The following ITPRID2 variants were observed in gnomAD, a reference collection of about 807,000 sequenced individuals.
The protein encoded by ITPRID2 is ITPR interacting domain containing 2.
Under a neutral mutation model 124.3 loss-of-function variants are expected in ITPRID2, and 60 were observed. That is an observed-to-expected ratio of 0.48 (90% CI 0.39 to 0.60). ITPRID2 has a LOEUF of 0.60. Ranked by LOEUF, ITPRID2 falls within the 20% of genes least tolerant of loss-of-function variation. The pLI is 0.00. For synonymous variants in ITPRID2, 521 were observed against 542.9 expected (o/e 0.96, Z 0.56); for missense variants, 1,553 against 1,512.2 (o/e 1.03, Z -0.45).
intron 10 of ITPRID2, among the ~76,000 whole-genome samples, chr2:181,914,693 C>T (rs768578540): frequency 3.3e-5 from 5 of 152,104 alleles, no homozygotes; most frequent in Non-Finnish European, 5.9e-5. Context: ...TTTATAATAA[C>T]ATGAAATGAC....
chr2:181,899,121 T>C lies in ITPRID2; in HGVS notation c.503+9T>C, dbSNP rs1692455123. ...AGTGGGACAGTTTCAAGGTAACTTA[T>C]TCTGAAATTGTGTTGGAATTACATT... On this transcript the variant is annotated intron_variant, in intron 6 of 17. Coordinates refer to ENST00000431877, the MANE Select transcript of ITPRID2 (RefSeq NM_001130445.3). 6.4e-7 allele frequency: 1 copy of C among 1,574,618 alleles called. No individual in the cohort carries two copies. Among genetic ancestry groups the C allele is most frequent in the Non-Finnish European group, 8.6e-7 (1 of 1,157,596 alleles).
At chr2:181,912,545 A>G (rs1241681148) in intron 9 of ITPRID2, among the ~76,000 whole-genome samples, 1 of 152,182 alleles carries the variant, frequency 6.6e-6, no homozygotes, top group Non-Finnish European at 1.5e-5. Context: ...ATAGTGGGGT[A>G]TTTTTCAAAC....
At chr2:181,904,739 CATT>C (rs1203522477) in intron 8 of ITPRID2, among the ~76,000 whole-genome samples, 5 of 152,322 alleles carry the variant, frequency 3.3e-5, no homozygotes, top group South Asian at 4.1e-4. Flanking sequence ...TTCTCAGAAA[CATT>C]ATCTGAGCAT....
intron 8 of ITPRID2, among the ~76,000 whole-genome samples, chr2:181,909,612 T>TA (rs1478270285): frequency 6.6e-6 from 1 of 152,214 alleles, no homozygotes; most frequent in Non-Finnish European, 1.5e-5. Flanking sequence ...AACTAACCGT[T>TA]ACAGGGTAAA....
rs188885807 is a variant in ITPRID2 at position 181,919,168 on chromosome 2, A to G, written c.2994-128A>G. 6.1e-5 allele frequency: 65 copies of G among 1,057,050 alleles called. No homozygotes were observed. In the East Asian group the frequency reaches 1.4e-3, roughly 24 times the overall value. 65.5% of individuals were successfully genotyped at this position (1,057,050 alleles called of 1,614,324 possible). A position where few individuals can be genotyped will look rare whatever the true frequency, so the allele number is the denominator to read the frequency against. ...TGTGGATACACCTATTGTAGTTGAT[A>G]TTGTACTAATTTCTAGAACCTGAGA... is the stretch of plus-strand genomic sequence containing the variant. On this transcript the variant is annotated intron_variant, in intron 13 of 17. Coordinates refer to ENST00000431877, the MANE Select transcript of ITPRID2 (RefSeq NM_001130445.3). The surrounding 1 kb of genome is among the most constrained non-coding windows in gnomAD (Gnocchi z 4.2).
In ITPRID2 at chr2:181,915,511, T is replaced by C. The variant is rs1467963254; in HGVS notation, c.1871T>C (p.Val624Ala). 6.2e-7 allele frequency: 1 copy of C among 1,614,010 alleles called. No homozygotes were observed. Among genetic ancestry groups the C allele is most frequent in the African/African-American group, 1.3e-5 (1 of 74,964 alleles). ...PGDHIIEITE[V>A]EEDLFPAETV... ...GATCATATCATTGAAATTACTGAAG[T>C]GGAAGAGGATTTGTTTCCAGCAGAG... Residue 624 changes from valine to alanine, a missense_variant, in exon 11 of 18, where the codon GTG (valine) becomes GCG (alanine). Physicochemically the swap from Val to Ala is moderately conservative, Grantham distance 64 (BLOSUM62 0). Transcript: ENST00000431877.
chr2:181,926,712 CAAA>C (rs567004734), intron 16 of ITPRID2, among the ~76,000 whole-genome samples: 5 of 65,954 alleles, frequency 7.6e-5, no homozygotes, highest in Admixed American at 1.5e-4. Flanking sequence ...GAATCCATCT[CAAA>C]AAAAAAAAAA....
intron 9 of ITPRID2, among the ~76,000 whole-genome samples, chr2:181,912,992 A>G (rs1267941945): frequency 6.6e-6 from 1 of 152,250 alleles, no homozygotes; most frequent in Non-Finnish European, 1.5e-5. Flanking sequence ...CATTTAAAAC[A>G]TCATAAAACA....
At chr2:181,929,252 A>C (rs888611627) in intron 17 of ITPRID2, among the ~76,000 whole-genome samples, 1 of 151,890 alleles carries the variant, frequency 6.6e-6, no homozygotes, top group Non-Finnish European at 1.5e-5. Context: ...AGTTGAGTAG[A>C]ATAGAACTAA....
chr2:181,925,786 C>T (rs1694800198), intron 16 of ITPRID2, among the ~76,000 whole-genome samples: 1 of 152,080 alleles, frequency 6.6e-6, no homozygotes, highest in Non-Finnish European at 1.5e-5. Flanking sequence ...CCATTATACT[C>T]CCCTCTTATT....
rs1009707062 is a variant in ITPRID2 at position 181,919,682 on chromosome 2, A to G, written c.3144+236A>G. 6.6e-5 allele frequency among the ~76,000 whole-genome samples: 10 copies of G among 152,242 alleles called. No individual in the cohort carries two copies. The highest frequency in any genetic ancestry group is 2.4e-4 in the African/African-American group (10 of 41,462). On this transcript the variant is annotated intron_variant, in intron 14 of 17. Transcript: ENST00000431877. The surrounding 1 kb of genome is among the most constrained non-coding windows in gnomAD (Gnocchi z 4.2). The stretch of plus-strand genomic sequence containing the variant: ...TAATGATAAATTTTAATAACAGGAA[A>G]GAATAAGGGCTTATACGAAAGTTGA...
At chr2:181,917,902 C>T (rs1249779126) in intron 11 of ITPRID2, 1 of 152,328 alleles carries the variant, frequency 6.6e-6, no homozygotes, top group East Asian at 1.9e-4. Context: ...CTGCCTTGGC[C>T]TCCCAAAGTA....
intron 4 of ITPRID2, among the ~76,000 whole-genome samples, chr2:181,898,400 A>T (rs967741019): frequency 5.9e-5 from 9 of 152,054 alleles, no homozygotes; most frequent in Non-Finnish European, 4.4e-5. Context: ...AGAAATTTTC[A>T]TGTTATATGT....
intron 2 of ITPRID2, among the ~76,000 whole-genome samples, chr2:181,895,130 C>T (rs1375265144): frequency 6.6e-6 from 1 of 151,970 alleles, no homozygotes; most frequent in East Asian, 1.9e-4. Flanking sequence ...ATTGGCATTT[C>T]AGTAACATTT....
intron 4 of ITPRID2, among the ~76,000 whole-genome samples, chr2:181,897,318 A>G (rs1294644076): frequency 6.6e-6 from 1 of 151,998 alleles, no homozygotes; most frequent in East Asian, 1.9e-4. Context: ...GCTTATTTTT[A>G]GCGCAAAATA....
At chr2:181,920,920 C>T (rs899184717) in intron 15 of ITPRID2, among the ~76,000 whole-genome samples, 5 of 152,204 alleles carry the variant, frequency 3.3e-5, no homozygotes, top group African/African-American at 1.2e-4. Flanking sequence ...TGGCTCATGC[C>T]TGTAATCCCA....
intron 11 of ITPRID2, 27 bp from the exon 12 acceptor site, chr2:181,918,571 T>G: frequency 6.2e-7 from 1 of 1,612,396 alleles, no homozygotes; most frequent in African/African-American, 1.3e-5. Flanking sequence ...TAACATTGGT[T>G]TTAATCCTAC....
In ITPRID2 at chr2:181,901,794, TACTGTGGCC is replaced by T. The variant is rs1692687650; in HGVS notation, c.743_751del (p.Thr248_Ala250del). On this transcript the variant is annotated inframe_deletion, in exon 8 of 18. Coordinates refer to ENST00000431877, the MANE Select transcript of ITPRID2 (RefSeq NM_001130445.3). ...GTTTTCGTCAAATTGAAGTGCTTAC[TACTGTGGCC>T]AATGCGTTTTCTTCTTTATATTCTC... 1 of 1,612,514 alleles carries T rather than the reference TACTGTGGCC, an allele frequency of 6.2e-7. No individual in the cohort carries two copies.
intron 17 of ITPRID2, among the ~76,000 whole-genome samples, chr2:181,928,484 A>G (rs1400835763): frequency 6.6e-6 from 1 of 152,204 alleles, no homozygotes; most frequent in African/African-American, 2.4e-5. Flanking sequence ...CCAAGGAATT[A>G]CTTATATTGG....
Sources: gnomAD v4.1 joint callset for allele counts (sites outside exome capture counted in the v4.1 genomes callset) on GRCh38, gnomAD v4.1.1 for gene constraint, Gnocchi (gnomAD v3.1) non-coding constraint, MANE v1.5 for transcripts, NCBI Gene and HGNC (gene_info 2026-07-23, HGNC 2026-07-21) for gene names.